Variants in CLVS1 observed in about 807,000 individuals in gnomAD.
CLVS1 encodes the protein clavesin-1.
CLVS1 carries 10 observed loss-of-function variants against 33.1 expected under a neutral mutation model. That is an observed-to-expected ratio of 0.30 (90% confidence interval 0.19 to 0.51). CLVS1 has a LOEUF of 0.51. Ranked by LOEUF, CLVS1 falls within the 20% of genes least tolerant of loss-of-function variation. The probability of loss-of-function intolerance (pLI) is 0.97; values close to 1 mark genes in which losing one functional copy is unlikely to be tolerated. For synonymous variants in CLVS1, 163 were observed against 166.1 expected (o/e 0.98, Z 0.14); for missense variants, 343 against 433.4 (o/e 0.79, Z 1.85).
chr8:61,158,032 T>A (rs775441331), intron 2 of CLVS1, among the ~76,000 whole-genome samples: 5 of 152,206 alleles, frequency 3.3e-5, no homozygotes, highest in Non-Finnish European at 7.3e-5. Flanking sequence ...ATAGCAGCCT[T>A]ATTATACACA....
intron 3 of CLVS1, among the ~76,000 whole-genome samples, chr8:61,440,843 C>T (rs938583984): frequency 1.3e-5 from 2 of 152,218 alleles, no homozygotes; most frequent in South Asian, 2.1e-4. Context: ...CTTCTAGGAA[C>T]ATATATTCTA....
the CLVS1 span, among the ~76,000 whole-genome samples, chr8:61,038,619 T>C: frequency 6.6e-6 from 1 of 152,102 alleles, no homozygotes. Flanking sequence ...CCAACACAAA[T>C]AGCAAACTAC....
At chr8:61,217,036 T>C (rs749312475) in intron 2 of CLVS1, among the ~76,000 whole-genome samples, 12 of 152,180 alleles carry the variant, frequency 7.9e-5, no homozygotes, top group Non-Finnish European at 1.6e-4. Context: ...CATCTTCTCT[T>C]TTCTAAAATA....
At chr8:60,996,146 A>G in the CLVS1 span, among the ~76,000 whole-genome samples, 3 of 152,216 alleles carry the variant, frequency 2.0e-5, no homozygotes, top group African/African-American at 7.2e-5. Flanking sequence ...CATGTACCCT[A>G]AAACTTAAAG....
rs1811828544 is a variant in CLVS1 at position 61,336,912 on chromosome 8, A to G, written c.455+36630A>G. Among the ~76,000 whole-genome samples the G allele has an allele frequency of 2.0e-5, 3 of 152,242 alleles. No homozygotes were observed. The South Asian group carries it at 6.2e-4, about 31-fold the overall frequency. ...AACAAAAAAATAAAACCTCTTCTGT[A>G]TCCAAAACTACAGAGGGAATAGGTT... On this transcript the variant is annotated intron_variant, in intron 2 of 5. Transcript: ENST00000325897.
At chr8:61,249,634 C>G (rs1259645968) in intron 2 of CLVS1, among the ~76,000 whole-genome samples, 1 of 152,158 alleles carries the variant, frequency 6.6e-6, no homozygotes, top group Non-Finnish European at 1.5e-5. Flanking sequence ...GAGATGGTAT[C>G]TCATTGTGAT....
intron 5 of CLVS1, among the ~76,000 whole-genome samples, chr8:61,491,677 T>A (rs1421355858): frequency 6.6e-6 from 1 of 152,182 alleles, no homozygotes; most frequent in South Asian, 2.1e-4. Context: ...TCTTCAGGTG[T>A]CCTTAAAACT....
intron 2 of CLVS1, among the ~76,000 whole-genome samples, chr8:61,356,463 G>C (rs1210137451): frequency 2.0e-5 from 3 of 151,092 alleles, no homozygotes; most frequent in Admixed American, 6.6e-5. Context: ...CATTGCTTTT[G>C]GTGTTTTAGA....
chr8:61,066,670 G>A (rs1360086129), intron 1 of CLVS1, among the ~76,000 whole-genome samples: 1 of 152,154 alleles, frequency 6.6e-6, no homozygotes, highest in Non-Finnish European at 1.5e-5. Flanking sequence ...GTCAACGGAG[G>A]TTGCCCTGAA....
At chr8:61,037,949 G>A in the CLVS1 span, among the ~76,000 whole-genome samples, 1 of 152,186 alleles carries the variant, frequency 6.6e-6, no homozygotes, top group Non-Finnish European at 1.5e-5. Flanking sequence ...CTCACAAGGG[G>A]ATCTTTGTGC....
chr8:61,046,430 C>G, the CLVS1 span, among the ~76,000 whole-genome samples: 2 of 146,594 alleles, frequency 1.4e-5, no homozygotes, highest in African/African-American at 2.7e-5. Context: ...TGTGATGCCT[C>G]CAGCTTTGTT....
chr8:61,487,481 A>G (rs1479729042), intron 5 of CLVS1, among the ~76,000 whole-genome samples: 2 of 152,240 alleles, frequency 1.3e-5, no homozygotes, highest in Admixed American at 6.5e-5. Flanking sequence ...TGTCTCCTAC[A>G]TCGTGTTCTC....
chr8:61,153,385 G>A (rs898084363), intron 2 of CLVS1, among the ~76,000 whole-genome samples: 26 of 152,302 alleles, frequency 1.7e-4, no homozygotes, highest in African/African-American at 6.0e-4. Flanking sequence ...TCACGATGGT[G>A]TGCCAAATGC....
intron 2 of CLVS1, among the ~76,000 whole-genome samples, chr8:61,190,541 G>A (rs1807446632): frequency 1.3e-5 from 2 of 152,010 alleles, no homozygotes; most frequent in Admixed American, 6.6e-5. Flanking sequence ...AACTGAAGGA[G>A]TTGGGGACAC....
Position 61,300,089 on chromosome 8 carries a change from G to A in CLVS1, c.262G>A (p.Ala88Thr). 1 of 1,614,008 alleles carries A rather than the reference G, an allele frequency of 6.2e-7. No individual in the cohort carries two copies. Among genetic ancestry groups the A allele is most frequent in the Non-Finnish European group, 8.5e-7 (1 of 1,179,972 alleles). ...RFLRARKFHQ[A>T]DAFRLLAQYF... The stretch of plus-strand genomic sequence containing the variant: ...TCTCCGAGCCAGGAAGTTTCACCAA[G>A]CGGATGCCTTTAGACTCCTGGCTCA... Residue 88 changes from alanine (A) to threonine (T), a missense_variant, in exon 2 of 6, where the codon GCG (alanine) becomes ACG (threonine). This residue lies in a region of CLVS1 where 166 missense variants were observed against 244.0 expected (regional missense o/e 0.68). Coordinates refer to ENST00000325897, the MANE Select transcript of CLVS1 (RefSeq NM_173519.3).
At chr8:61,494,341 T>C (rs1804197420) in intron 5 of CLVS1, among the ~76,000 whole-genome samples, 1 of 152,094 alleles carries the variant, frequency 6.6e-6, no homozygotes, top group African/African-American at 2.4e-5. Context: ...AAACAAAAAG[T>C]GGCTATCTAG....
At chr8:61,079,957 G>A (rs1804992099) in intron 1 of CLVS1, among the ~76,000 whole-genome samples, 1 of 152,202 alleles carries the variant, frequency 6.6e-6, no homozygotes, top group Non-Finnish European at 1.5e-5. Context: ...TAAGAATATT[G>A]ATGCTGATTA....
intron 1 of CLVS1, among the ~76,000 whole-genome samples, chr8:61,076,760 A>G (rs1804918875): frequency 6.6e-6 from 1 of 152,210 alleles, no homozygotes; most frequent in African/African-American, 2.4e-5. Context: ...AGAACGAGTC[A>G]TCTCTGCAGC....
chr8:61,305,262 AT>A (rs910943252), intron 2 of CLVS1, among the ~76,000 whole-genome samples: 32 of 152,018 alleles, frequency 2.1e-4, no homozygotes, highest in Admixed American at 7.2e-4. Flanking sequence ...TATCTTTTCC[AT>A]TTTTTAGCGT....
Sources: allele counts gnomAD v4.1 joint callset (sites outside exome capture counted in the v4.1 genomes callset), GRCh38; gene constraint gnomAD v4.1.1; regional missense constraint gnomAD v4.1.1; transcripts MANE v1.5; gene names NCBI Gene and HGNC (gene_info 2026-07-23, HGNC 2026-07-21).